IQSEC1: variants seen among roughly 807,000 people sequenced by gnomAD.
IQSEC1 encodes IQ motif and Sec7 domain ArfGEF 1.
A neutral mutation model predicts 91.0 loss-of-function variants in IQSEC1; 31 were observed. The observed-to-expected ratio is 0.34, with a 90% CI of 0.26 to 0.46. The LOEUF (loss-of-function observed/expected upper bound fraction) is 0.46, where lower values mean the gene tolerates loss of function less well. Among genes scored for constraint, IQSEC1 ranks in the 20% least tolerant of loss-of-function variants. The pLI is 1.00. For missense variants in IQSEC1, 1,388 were observed against 1,575.6 expected, an observed-to-expected ratio of 0.88 and a Z score of 2.02; for synonymous variants, 699 against 662.6, an observed-to-expected ratio of 1.05 and a Z score of -0.84.
chr3:13,172,114 G>A (rs1361217827), intron 1 of IQSEC1, among the ~76,000 whole-genome samples: 4 of 152,190 alleles, frequency 2.6e-5, no homozygotes, highest in Admixed American at 6.5e-5. Context: ...CCGTGTCTAC[G>A]GGCAGGACTT....
At chr3:13,176,545 A>T (rs1218692615) in intron 1 of IQSEC1, among the ~76,000 whole-genome samples, 1 of 152,192 alleles carries the variant, frequency 6.6e-6, no homozygotes, top group Non-Finnish European at 1.5e-5. Context: ...AACACAGATC[A>T]TCAGTTCCCC....
At chr3:13,159,524 G>C (rs566993653) in intron 2 of IQSEC1, among the ~76,000 whole-genome samples, 64 of 152,284 alleles carry the variant, frequency 4.2e-4, no homozygotes, top group South Asian at 2.1e-3. Context: ...AAGCACCACA[G>C]GCGACACTGA....
intron 1 of IQSEC1, among the ~76,000 whole-genome samples, chr3:13,219,816 T>C (rs914933780): frequency 5.3e-5 from 8 of 152,236 alleles, no homozygotes; most frequent in African/African-American, 1.9e-4. Flanking sequence ...TCTTCATCCA[T>C]GGACCATCAC....
At chr3:13,036,081 C>T (rs908954207) in intron 1 of IQSEC1, among the ~76,000 whole-genome samples, 22 of 152,200 alleles carry the variant, frequency 1.4e-4, no homozygotes, top group South Asian at 2.1e-4. Context: ...GCCCAGCTGA[C>T]ATTGAGTAGA....
At position 12,967,648 on chromosome 3, in the gene IQSEC1, C is replaced by T; in HGVS notation, c.24-25783G>A. ...CCGCGGCTCCGGCCCCAAGTCCGAG[C>T]CCCAGGCCAGCCAAGCCCGCCCCTC... On this transcript the variant is annotated intron_variant, in intron 1 of 13. Transcript: ENST00000613206. The surrounding 1 kb of genome is among the most constrained non-coding windows in gnomAD (Gnocchi z 5.9). The T allele has an allele frequency of 8.3e-7, 1 of 1,203,672 alleles. No homozygotes were observed. Among genetic ancestry groups the T allele is most frequent in the Non-Finnish European group, 1.0e-6 (1 of 971,206 alleles). 74.6% of individuals were successfully genotyped at this position (1,203,672 alleles called of 1,614,324 possible).
At chr3:12,949,704 G>A (rs900148682) in intron 1 of IQSEC1, among the ~76,000 whole-genome samples, 19 of 152,070 alleles carry the variant, frequency 1.2e-4, no homozygotes, top group African/African-American at 4.1e-4. Flanking sequence ...TCTGCACAGG[G>A]CTATCTTCAC....
intron 1 of IQSEC1, among the ~76,000 whole-genome samples, chr3:13,200,578 G>T (rs1694226002): frequency 6.6e-6 from 1 of 152,226 alleles, no homozygotes; most frequent in Admixed American, 6.5e-5. Flanking sequence ...AGGTCAGGGT[G>T]AACGCCTGGC....
chr3:13,083,425 G>A (rs1705681817), intron 2 of IQSEC1, among the ~76,000 whole-genome samples: 1 of 152,208 alleles, frequency 6.6e-6, no homozygotes, highest in Non-Finnish European at 1.5e-5. Flanking sequence ...CCACTCACCT[G>A]CTGTGTGACC....
At chr3:13,025,666 A>C (rs959785310) in intron 1 of IQSEC1, among the ~76,000 whole-genome samples, 1 of 152,160 alleles carries the variant, frequency 6.6e-6, no homozygotes, top group Non-Finnish European at 1.5e-5. Context: ...CTCTGGCTTA[A>C]GGGGCAAGCC....
At chr3:13,057,113 G>A (rs1401409877) in intron 1 of IQSEC1, among the ~76,000 whole-genome samples, 1 of 152,120 alleles carries the variant, frequency 6.6e-6, no homozygotes, top group Non-Finnish European at 1.5e-5. Flanking sequence ...CTGGTCTCTA[G>A]TTCCTTACAC....
chr3:13,214,652 C>T lies in IQSEC1; in HGVS notation c.273-50519G>A, dbSNP rs1694509140. 6.6e-6 allele frequency among the ~76,000 whole-genome samples: 1 copy of T among 152,190 alleles called. No homozygotes were observed. The highest frequency in any genetic ancestry group is 2.4e-5 in the African/African-American group (1 of 41,450). ...GGAATCCACCCTGGCAAGAGCAGGG[C>T]CACGGTGCCATCAAGGGGCCACTGT... On this transcript the variant is annotated intron_variant, in intron 1 of 15. Transcript: ENST00000648114. This position sits in a 1 kb window ranked among gnomAD's most constrained non-coding sequence, Gnocchi z 4.5.
intron 1 of IQSEC1, among the ~76,000 whole-genome samples, chr3:13,228,855 A>G (rs1219117915): frequency 1.3e-5 from 2 of 152,156 alleles, no homozygotes; most frequent in Non-Finnish European, 2.9e-5. Context: ...GACTTGGTGT[A>G]AATGCTACTT....
At chr3:13,241,106 C>G (rs1246088702) in intron 1 of IQSEC1, among the ~76,000 whole-genome samples, 1 of 152,196 alleles carries the variant, frequency 6.6e-6, no homozygotes, top group East Asian at 1.9e-4. Flanking sequence ...CTTGTCAACG[C>G]CTCATGTCCA....
chr3:13,040,647 C>T (rs1704226119), intron 1 of IQSEC1, among the ~76,000 whole-genome samples: 1 of 152,222 alleles, frequency 6.6e-6, no homozygotes, highest in Admixed American at 6.5e-5. Flanking sequence ...GGTCCTGAGC[C>T]CCAGCCCCTG....
chr3:13,263,759 A>T (rs1285062938), intron 1 of IQSEC1, among the ~76,000 whole-genome samples: 1 of 151,136 alleles, frequency 6.6e-6, no homozygotes, highest in Non-Finnish European at 1.5e-5. Context: ...TTTTTTTTTT[A>T]AAGTAGGTAC....
chr3:12,930,547 T>A (rs1301597539), intron 3 of IQSEC1, among the ~76,000 whole-genome samples: 1 of 152,212 alleles, frequency 6.6e-6, no homozygotes, highest in Non-Finnish European at 1.5e-5. Flanking sequence ...GGAGAATCTC[T>A]CTTCCTCCTA....
rs1475543574 is a variant in IQSEC1, at chr3:13,040,326, T to C, written c.23+32666A>G. Among the ~76,000 whole-genome samples, 8 of 152,372 alleles carry C rather than the reference T, an allele frequency of 5.3e-5. No individual in the cohort carries two copies. The East Asian group carries it at 1.3e-3, about 26-fold the overall frequency. ...TGGTAATTTGTGCACCCTCTGTTTA[T>C]ACCCCATTCTTAACATTCATGAGTT... On this transcript the variant is annotated intron_variant, in intron 1 of 13. Transcript: ENST00000613206.
At chr3:13,239,023 C>T (rs1275725443) in intron 1 of IQSEC1, among the ~76,000 whole-genome samples, 2 of 152,192 alleles carry the variant, frequency 1.3e-5, no homozygotes, top group Non-Finnish European at 2.9e-5. Flanking sequence ...TTCCTGTCTC[C>T]GCTTGAGGAC....
chr3:13,249,727 G>A (rs1461653355), intron 1 of IQSEC1, among the ~76,000 whole-genome samples: 1 of 152,174 alleles, frequency 6.6e-6, no homozygotes, highest in Non-Finnish European at 1.5e-5. Flanking sequence ...CCGGGGTCAA[G>A]GGGAGCGTAA....
Sources: allele counts gnomAD v4.1 joint callset (sites outside exome capture counted in the v4.1 genomes callset), GRCh38; gene constraint gnomAD v4.1.1; non-coding constraint Gnocchi (gnomAD v3.1); transcripts MANE v1.5; gene names NCBI Gene and HGNC (gene_info 2026-07-23, HGNC 2026-07-21).